The following EPB41L5 variants were observed in gnomAD, a reference collection of about 807,000 sequenced individuals.
EPB41L5 encodes band 4.1-like protein 5.
In EPB41L5, 55 loss-of-function variants were observed where a neutral mutation model predicts 106.6. That is an observed-to-expected ratio of 0.52 (90% CI 0.42 to 0.65). EPB41L5 has a LOEUF of 0.65. Ranked by LOEUF, EPB41L5 falls within the 30% of genes least tolerant of loss-of-function variation. EPB41L5 has a pLI of 0.00. For synonymous variants in EPB41L5, 297 were observed against 306.7 expected (o/e 0.97, Z 0.33); for missense variants, 871 against 882.1 (o/e 0.99, Z 0.16).
chr2:120,083,566 G>T (rs1434595462), intron 10 of EPB41L5, among the ~76,000 whole-genome samples: 1 of 152,202 alleles, frequency 6.6e-6, no homozygotes, highest in Non-Finnish European at 1.5e-5. Flanking sequence ...GTGCTGAGAA[G>T]AATGTATATT....
chr2:120,061,632 A>C (rs1325586886), intron 3 of EPB41L5, among the ~76,000 whole-genome samples: 1 of 151,920 alleles, frequency 6.6e-6, no homozygotes, highest in East Asian at 1.9e-4. Context: ...GATGACAGGC[A>C]TGAGCCACCA....
intron 10 of EPB41L5, among the ~76,000 whole-genome samples, chr2:120,082,357 T>G (rs1190722088): frequency 6.6e-6 from 1 of 152,204 alleles, no homozygotes; most frequent in African/African-American, 2.4e-5. Context: ...TCTGCATCTA[T>G]TGAGATAATC....
chr2:120,039,996 A>G (rs868557591), intron 2 of EPB41L5, among the ~76,000 whole-genome samples: 1 of 151,906 alleles, frequency 6.6e-6, no homozygotes, highest in Non-Finnish European at 1.5e-5. Context: ...GCAAAATTCA[A>G]ATTCTAGCGT....
Position 120,019,196 on chromosome 2 carries a change from G to C in EPB41L5, c.112G>C (p.Asp38His). The change falls in exon 2 of 25, where the codon GAT (aspartate) becomes CAT (histidine). Residue 38 changes from aspartate (D) to histidine (H), a missense_variant. Physicochemically the swap from Asp to His is moderately conservative, Grantham distance 81 (BLOSUM62 -1). Transcript: ENST00000263713. ...RAATHIPAAG[D>H]SKSIITCRVS... ...CGCCACACATATTCCTGCAGCTGGA[G>C]ATTCTAAGTCCATCATCACGTGTCG... 6.2e-7 allele frequency: 1 copy of C among 1,614,074 alleles called. No individual in the cohort carries two copies. Among genetic ancestry groups the C allele is most frequent in the Non-Finnish European group, 8.5e-7 (1 of 1,180,022 alleles).
intron 2 of EPB41L5, among the ~76,000 whole-genome samples, chr2:120,022,591 A>C (rs531801062): frequency 2.0e-5 from 3 of 152,282 alleles, no homozygotes; most frequent in African/African-American, 7.2e-5. Context: ...ATTGATGGGC[A>C]TTTGGGTTGG....
Position 120,077,330 on chromosome 2 carries a change from T to C in EPB41L5, c.714+14T>C. The C allele has an allele frequency of 6.3e-7, 1 of 1,591,626 alleles. No individual in the cohort carries two copies. The highest frequency in any genetic ancestry group is 8.6e-7 in the Non-Finnish European group (1 of 1,168,762). On this transcript the variant is annotated intron_variant, in intron 9 of 24. Coordinates refer to ENST00000263713, the MANE Select transcript of EPB41L5 (RefSeq NM_020909.4). The stretch of plus-strand genomic sequence containing the variant: ...CATGTGGTCAAGGTAAGCATTGTGT[T>C]GTGATGCTTTTTTAAAAATTTATTC...
intron 16 of EPB41L5, among the ~76,000 whole-genome samples, chr2:120,125,671 C>T (rs1202410518): frequency 1.3e-5 from 2 of 152,096 alleles, no homozygotes; most frequent in African/African-American, 4.8e-5. Flanking sequence ...CTTTTTAGTC[C>T]TTTGAATTCT....
At chr2:120,053,023 C>T (rs1558828852) in intron 3 of EPB41L5, among the ~76,000 whole-genome samples, 1 of 152,204 alleles carries the variant, frequency 6.6e-6, no homozygotes, top group East Asian at 1.9e-4. Flanking sequence ...TAGCCTCTCC[C>T]TGTGTACATG....
At chr2:120,047,306 C>T (rs976709694) in intron 3 of EPB41L5, among the ~76,000 whole-genome samples, 11 of 152,118 alleles carry the variant, frequency 7.2e-5, no homozygotes, top group South Asian at 6.2e-4. Context: ...TGGAATGTTC[C>T]TCCATTTGTT....
At chr2:120,024,466 T>A (rs1678170546) in intron 2 of EPB41L5, among the ~76,000 whole-genome samples, 1 of 152,184 alleles carries the variant, frequency 6.6e-6, no homozygotes, top group Non-Finnish European at 1.5e-5. Flanking sequence ...TGTGTTTGTT[T>A]ATTTTTTTGA....
intron 18 of EPB41L5, among the ~76,000 whole-genome samples, chr2:120,142,636 C>G (rs3109221): frequency 1 from 151,951 of 152,286 alleles, 75,810 homozygotes; most frequent in Middle Eastern, 1. Context: ...TTTAGTCTTG[C>G]AGAACCTCGT....
intron 16 of EPB41L5, among the ~76,000 whole-genome samples, chr2:120,126,090 C>G (rs1346534060): frequency 6.6e-6 from 1 of 152,108 alleles, no homozygotes; most frequent in African/African-American, 2.4e-5. Flanking sequence ...GCTGCCTACC[C>G]TACTGTAGTA....
chr2:120,057,737 G>A (rs1345113524), intron 3 of EPB41L5, among the ~76,000 whole-genome samples: 1 of 90,132 alleles, frequency 1.1e-5, no homozygotes, highest in African/African-American at 3.1e-5. Context: ...TGAAGGCTTA[G>A]GGAAACACTT....
intron 16 of EPB41L5, chr2:120,106,841 C>T: frequency 1.0e-6 from 1 of 985,184 alleles, no homozygotes; most frequent in Non-Finnish European, 1.2e-6. Flanking sequence ...TCTAACATTT[C>T]TGACCTTGAT....
chr2:120,073,077 C>G, intron 3 of EPB41L5, 101 bp from the exon 4 acceptor site: 3 of 977,792 alleles, frequency 3.1e-6, no homozygotes, highest in East Asian at 2.6e-5. Flanking sequence ...TATTTCCTTG[C>G]GGTTATCAGT....
chr2:120,129,042 G>A (rs1169474111), intron 17 of EPB41L5, among the ~76,000 whole-genome samples: 3 of 152,182 alleles, frequency 2.0e-5, no homozygotes, highest in Non-Finnish European at 4.4e-5. Context: ...AGGAGGGATG[G>A]ACTGGGAAAG....
chr2:120,047,872 G>C (rs955186299), intron 3 of EPB41L5, among the ~76,000 whole-genome samples: 13 of 152,118 alleles, frequency 8.5e-5, no homozygotes, highest in Admixed American at 2.6e-4. Flanking sequence ...TAGCACGAAG[G>C]GCTGTTGAAT....
At chr2:120,061,031 G>GGTT (rs1681008592) in intron 3 of EPB41L5, among the ~76,000 whole-genome samples, 2 of 69,100 alleles carry the variant, frequency 2.9e-5, no homozygotes, top group Non-Finnish European at 2.5e-5. Context: ...GTTCAGGGAA[G>GGTT]TTTTTTTTTT....
intron 16 of EPB41L5, among the ~76,000 whole-genome samples, chr2:120,113,966 G>A (rs1423765148): frequency 6.6e-6 from 1 of 152,158 alleles, no homozygotes; most frequent in Non-Finnish European, 1.5e-5. Flanking sequence ...TGAGGTGTAG[G>A]TTTTGTATGA....
Sources: gnomAD v4.1 joint callset for allele counts (sites outside exome capture counted in the v4.1 genomes callset) on GRCh38, gnomAD v4.1.1 for gene constraint, MANE v1.5 for transcripts, NCBI Gene and HGNC (gene_info 2026-07-23, HGNC 2026-07-21) for gene names.